RGSL1: variants seen among roughly 807,000 people sequenced by gnomAD.
RGSL1 encodes regulator of G protein signaling like 1, also known as regulator of G protein signaling protein-like.
A neutral mutation model predicts 124.7 loss-of-function variants in RGSL1; 97 were observed. That is an observed-to-expected ratio of 0.78 (90% CI 0.66 to 0.92). The LOEUF is 0.92. Ranked by LOEUF, RGSL1 falls within the 40% of genes least tolerant of loss-of-function variation. The probability of loss-of-function intolerance (pLI) is 0.00; values close to 1 mark genes in which losing one functional copy is unlikely to be tolerated. For missense variants in RGSL1, 1,233 were observed against 1,288.4 expected (o/e 0.96, Z 0.66); for synonymous variants, 424 against 438.1 (o/e 0.97, Z 0.40).
intron 11 of RGSL1, 94 bp downstream of exon 11, chr1:182,527,866 A>G: frequency 6.1e-6 from 6 of 977,106 alleles, no homozygotes; most frequent in Non-Finnish European, 8.9e-6. Flanking sequence ...GCCCCCAGAG[A>G]GAGCAGTACA....
intron 14 of RGSL1, among the ~76,000 whole-genome samples, chr1:182,538,167 GT>G (rs1558408293): frequency 6.6e-6 from 1 of 152,112 alleles, no homozygotes; most frequent in African/African-American, 2.4e-5. Context: ...TTTAAAAATC[GT>G]TTCGGAAGGG....
At chr1:182,465,372 CA>C (rs1653212646) in intron 4 of RGSL1, among the ~76,000 whole-genome samples, 1 of 150,384 alleles carries the variant, frequency 6.6e-6, no homozygotes, top group Non-Finnish European at 1.5e-5. Context: ...GACAAAAAAC[CA>C]AACACCGCAT....
chr1:182,530,967 G>A, intron 13 of RGSL1, 57 bp downstream of exon 13: 1 of 1,509,662 alleles, frequency 6.6e-7, no homozygotes, highest in African/African-American at 1.4e-5. Flanking sequence ...ATCGTCTTGG[G>A]GGTAGGTTTT....
intron 10 of RGSL1, among the ~76,000 whole-genome samples, chr1:182,523,891 T>C (rs1658540824): frequency 6.6e-6 from 1 of 152,104 alleles, no homozygotes; most frequent in Non-Finnish European, 1.5e-5. Flanking sequence ...GAGAGAGAAA[T>C]TTTGAGTGAG....
intron 19 of RGSL1, among the ~76,000 whole-genome samples, chr1:182,553,835 C>A (rs560885300): frequency 6.6e-6 from 1 of 152,246 alleles, no homozygotes; most frequent in South Asian, 2.1e-4. Context: ...GCTGACTCCT[C>A]TTCTCATTTC....
intron 9 of RGSL1, among the ~76,000 whole-genome samples, chr1:182,501,376 G>A (rs1186666304): frequency 5.6e-5 from 7 of 125,374 alleles, no homozygotes; most frequent in African/African-American, 2.1e-4. Flanking sequence ...CTGGAGTGCA[G>A]TGGTGCATCT....
At position 182,463,068 on chromosome 1, in the gene RGSL1, C is replaced by T. The variant is rs1030316211; in HGVS notation, c.301+2935C>T. Among the ~76,000 whole-genome samples the T allele has an allele frequency of 1.4e-4, 21 of 151,996 alleles. No homozygotes were observed. In the East Asian group the frequency reaches 1.7e-3, roughly 13 times the overall value. ...CAGAACTTTGGAAGGCTGAGACGGG[C>T]GGATCATGAGGTCAGGAGATCGAGA... On this transcript the variant is annotated intron_variant, in intron 4 of 21. Transcript: ENST00000294854.
At position 182,554,676 on chromosome 1, in the gene RGSL1, GCTGC is replaced by G; in HGVS notation, c.3181_3184del (p.Leu1061IlefsTer32). 6 of 1,551,688 alleles carry G rather than the reference GCTGC, an allele frequency of 3.9e-6. No homozygotes were observed. In the South Asian group the frequency reaches 7.1e-5, roughly 18 times the overall value. ...CAAGACTCGTGGTATCTGCCATGCA[GCTGC>G]ATCCCGTCCAGGGGTAGGCATGAGC... On this transcript the variant is annotated frameshift_variant, in exon 20 of 22. Coordinates refer to ENST00000294854, the MANE Select transcript of RGSL1 (RefSeq NM_001137669.2). LOFTEE classifies it high-confidence loss of function.
chr1:182,530,864 C>T lies in RGSL1; in HGVS notation c.2318C>T (p.Ser773Phe). The T allele has an allele frequency of 6.5e-7, 1 of 1,550,168 alleles. No individual in the cohort carries two copies. Among genetic ancestry groups the T allele is most frequent in the African/African-American group, 1.4e-5 (1 of 73,024 alleles). The change falls in exon 13 of 22, where the codon TCT becomes TTT. Residue 773 changes from serine (S) to phenylalanine (F), a missense_variant. Transcript: ENST00000294854. ...GTGCAAAGTGAAGTACAAATTTCGT[C>T]TAGGAAGCCCTCAAAGATAGTGTCA... ...VEVQSEVQIS[S>F]RKPSKIVSTY...
At chr1:182,526,519 A>C (rs572450108) in intron 10 of RGSL1, among the ~76,000 whole-genome samples, 1 of 151,996 alleles carries the variant, frequency 6.6e-6, no homozygotes, top group South Asian at 2.1e-4. Context: ...AAAAACACAA[A>C]CATTATTAGC....
chr1:182,517,360 G>A (rs571076338), intron 9 of RGSL1, among the ~76,000 whole-genome samples: 1 of 146,340 alleles, frequency 6.8e-6, no homozygotes, highest in Admixed American at 6.9e-5. Context: ...AGTCTTATTT[G>A]GGTCAAATCT....
In RGSL1 at chr1:182,547,953, G is replaced by T. The variant is rs1183653099; in HGVS notation, c.2670-364G>T. Among the ~76,000 whole-genome samples, 3 of 152,194 alleles carry T rather than the reference G, an allele frequency of 2.0e-5. No homozygotes were observed. In the East Asian group the frequency reaches 5.8e-4, roughly 29 times the overall value. Reference sequence around the variant, plus strand: ...AAAGTGCTCTACAGGAGTGGGACCTGCCTGCATCTCAGGGCTTGCCTCAGG... The same window carrying T: ...AAAGTGCTCTACAGGAGTGGGACCTTCCTGCATCTCAGGGCTTGCCTCAGG... On this transcript the variant is annotated intron_variant, in intron 15 of 21. Transcript: ENST00000294854.
intron 9 of RGSL1, among the ~76,000 whole-genome samples, chr1:182,504,423 T>C (rs1469250101): frequency 6.6e-6 from 1 of 151,748 alleles, no homozygotes; most frequent in Non-Finnish European, 1.5e-5. Flanking sequence ...ATGGCTGGAC[T>C]TCTCATGGAC....
At chr1:182,457,731 C>T (rs1436484053) in intron 2 of RGSL1, among the ~76,000 whole-genome samples, 1 of 152,224 alleles carries the variant, frequency 6.6e-6, no homozygotes, top group Non-Finnish European at 1.5e-5. Context: ...TACCTGTAAA[C>T]ATAGAAGTCC....
Position 182,474,221 on chromosome 1 carries a change from C to T in RGSL1, c.1110C>T (p.Ile370=). ...AGCAAAGCTTCTCCTTAGGATACAT[C>T]CACTTGGCCTTGTGTGCTGATGCCT... The part of the protein sequence containing the change: ...AIKQSFSLGY[I]HLALCADACA... Residue 370 remains isoleucine, a synonymous_variant, in exon 6 of 22, where the codon ATC becomes ATT. Transcript: ENST00000294854. 1 of 1,551,964 alleles carries T rather than the reference C, an allele frequency of 6.4e-7. No individual in the cohort carries two copies. Among genetic ancestry groups the T allele is most frequent in the Non-Finnish European group, 8.7e-7 (1 of 1,147,038 alleles).
chr1:182,450,282 T>C (rs961761594), intron 1 of RGSL1, 104 bp downstream of exon 1: 6 of 1,331,740 alleles, frequency 4.5e-6, no homozygotes, highest in African/African-American at 1.5e-5. Context: ...AGGGGCACCA[T>C]GGGTGACTTT....
At chr1:182,502,690 C>T (rs1223135052) in intron 9 of RGSL1, among the ~76,000 whole-genome samples, 1 of 152,114 alleles carries the variant, frequency 6.6e-6, no homozygotes, top group Non-Finnish European at 1.5e-5. Flanking sequence ...TTATAAGTTT[C>T]TTTTTGAGCA....
At chr1:182,513,148 T>A (rs1657588616) in intron 9 of RGSL1, among the ~76,000 whole-genome samples, 1 of 152,216 alleles carries the variant, frequency 6.6e-6, no homozygotes. Context: ...CTCTGTCTAC[T>A]GTTGATATCA....
intron 9 of RGSL1, among the ~76,000 whole-genome samples, chr1:182,496,458 G>T (rs1290203057): frequency 1.3e-5 from 2 of 152,156 alleles, no homozygotes; most frequent in Non-Finnish European, 2.9e-5. Flanking sequence ...TAGCTCAATA[G>T]CACATTGAAG....
Sources: allele counts gnomAD v4.1 joint callset (sites outside exome capture counted in the v4.1 genomes callset), GRCh38; gene constraint gnomAD v4.1.1; transcripts MANE v1.5; gene names NCBI Gene and HGNC (gene_info 2026-07-23, HGNC 2026-07-21).